GALNT17: variants seen among roughly 807,000 people sequenced by gnomAD.
GALNT17 encodes the protein UDP-GalNAc:polypeptide N-acetylgalactosaminyltransferase-like 3.
Under a neutral mutation model 63.7 loss-of-function variants are expected in GALNT17, and 29 were observed. The ratio of observed to expected loss-of-function variants is 0.46; its 90% confidence interval spans 0.34 to 0.62. GALNT17 has a LOEUF of 0.62. Ranked by LOEUF, GALNT17 falls within the 20% of genes least tolerant of loss-of-function variation. GALNT17 has a pLI of 0.01. For synonymous variants in GALNT17, 305 were observed against 318.3 expected, an observed-to-expected ratio of 0.96 and a Z score of 0.45; for missense variants, 603 against 799.6, an observed-to-expected ratio of 0.75 and a Z score of 2.97.
chr7:71,702,389 C>G (rs1001900159), intron 9 of GALNT17, among the ~76,000 whole-genome samples: 3 of 152,102 alleles, frequency 2.0e-5, no homozygotes, highest in Admixed American at 1.3e-4. Flanking sequence ...GTTCACAGAT[C>G]AGCAGGGAGG....
intron 1 of GALNT17, among the ~76,000 whole-genome samples, chr7:71,245,484 G>A (rs1790077346): frequency 6.6e-6 from 1 of 152,122 alleles, no homozygotes; most frequent in Non-Finnish European, 1.5e-5. Flanking sequence ...AAAAGGGGGA[G>A]GCAGGTGGAA....
intron 5 of GALNT17, among the ~76,000 whole-genome samples, chr7:71,564,301 T>TG (rs1789304703): frequency 9.1e-6 from 1 of 109,422 alleles, no homozygotes; most frequent in Non-Finnish European, 1.9e-5. Flanking sequence ...TTTTTTTTTT[T>TG]TGAGATGGAG....
At chr7:71,386,497 C>T (rs1002115426) in intron 2 of GALNT17, among the ~76,000 whole-genome samples, 5 of 152,008 alleles carry the variant, frequency 3.3e-5, no homozygotes, top group African/African-American at 9.7e-5. Context: ...GTGGCTTAGG[C>T]GTAAGCATGA....
At chr7:71,436,629 G>C (rs973015104) in intron 5 of GALNT17, among the ~76,000 whole-genome samples, 3 of 151,736 alleles carry the variant, frequency 2.0e-5, no homozygotes, top group Admixed American at 6.6e-5. Context: ...TAAGGCAGGA[G>C]AATGGTGTGA....
At chr7:71,168,521 G>A (rs867780098) in intron 1 of GALNT17, among the ~76,000 whole-genome samples, 1 of 152,108 alleles carries the variant, frequency 6.6e-6, no homozygotes, top group African/African-American at 2.4e-5. Context: ...GCAGTGAACC[G>A]AGATCGCACC....
At chr7:71,678,936 G>A (rs1170261713) in intron 9 of GALNT17, among the ~76,000 whole-genome samples, 5 of 134,914 alleles carry the variant, frequency 3.7e-5, no homozygotes, top group Non-Finnish European at 6.1e-5. Context: ...GAGCCTGGGC[G>A]ACAGAGCGAG....
chr7:71,207,544 GGAT>G, intron 1 of GALNT17, among the ~76,000 whole-genome samples: 1 of 152,186 alleles, frequency 6.6e-6, no homozygotes, highest in East Asian at 1.9e-4. Context: ...TGGAGGGTAA[GGAT>G]GATAGATGCT....
chr7:71,165,759 T>C (rs1428068450), intron 1 of GALNT17, among the ~76,000 whole-genome samples: 1 of 152,252 alleles, frequency 6.6e-6, no homozygotes, highest in African/African-American at 2.4e-5. Context: ...GACGTTAATG[T>C]TGAAATTAAA....
chr7:71,521,398 C>T (rs1788527741), intron 5 of GALNT17, among the ~76,000 whole-genome samples: 2 of 152,174 alleles, frequency 1.3e-5, no homozygotes, highest in African/African-American at 4.8e-5. Flanking sequence ...ACGCCCTTTC[C>T]TTCATCTACC....
chr7:71,557,288 A>G lies in GALNT17; in HGVS notation c.963-13997A>G, dbSNP rs562001364. 4.0e-4 allele frequency among the ~76,000 whole-genome samples: 61 copies of G among 152,218 alleles called. 2 individuals are homozygous for G. In the South Asian group the frequency reaches 0.012, roughly 31 times the overall value. On this transcript the variant is annotated intron_variant, in intron 5 of 10. Transcript: ENST00000333538. ...CAGAAAACTTCTCCACCATGCAAAA[A>G]TCTCAATACTCTTTCTTTCTTTTTG...
At chr7:71,253,793 A>G (rs974192821) in intron 1 of GALNT17, among the ~76,000 whole-genome samples, 12 of 152,162 alleles carry the variant, frequency 7.9e-5, no homozygotes, top group Non-Finnish European at 1.3e-4. Flanking sequence ...AGCTCCCCAA[A>G]TTCTGATTCT....
At chr7:71,496,245 G>A (rs1171576422) in intron 5 of GALNT17, among the ~76,000 whole-genome samples, 1 of 152,156 alleles carries the variant, frequency 6.6e-6, no homozygotes, top group Non-Finnish European at 1.5e-5. Context: ...GGGGGATCAA[G>A]GGAATCCCCA....
intron 2 of GALNT17, among the ~76,000 whole-genome samples, chr7:71,369,435 A>T (rs1008660422): frequency 3.9e-5 from 6 of 152,176 alleles, no homozygotes; most frequent in Admixed American, 1.3e-4. Context: ...TAAAGTTAAT[A>T]TGGCAGTCTC....
intron 1 of GALNT17, among the ~76,000 whole-genome samples, chr7:71,139,286 C>G (rs1279313454): frequency 6.6e-6 from 1 of 152,118 alleles, no homozygotes; most frequent in African/African-American, 2.4e-5. Flanking sequence ...TTGCCCCTCG[C>G]AGGCTCAAAG....
intron 6 of GALNT17, among the ~76,000 whole-genome samples, chr7:71,602,316 C>A (rs756671391): frequency 2.0e-5 from 3 of 152,140 alleles, no homozygotes; most frequent in Non-Finnish European, 4.4e-5. Flanking sequence ...TTAGTCTGTG[C>A]TGAGGAAGGG....
At chr7:71,616,381 C>T (rs762962025) in intron 6 of GALNT17, among the ~76,000 whole-genome samples, 153 of 151,684 alleles carry the variant, frequency 1.0e-3, no homozygotes, top group Middle Eastern at 3.4e-3. Context: ...TATGAACTGG[C>T]CAGTCTTCTT....
At chr7:71,432,107 G>A (rs1468996113) in intron 5 of GALNT17, among the ~76,000 whole-genome samples, 2 of 151,950 alleles carry the variant, frequency 1.3e-5, no homozygotes, top group African/African-American at 2.4e-5. Context: ...CATGGGACGC[G>A]GAGGTTGCAG....
rs558603585 is a variant in GALNT17 at position 71,157,628 on chromosome 7, G to A, written c.238+24588G>A. Among the ~76,000 whole-genome samples the A allele has an allele frequency of 2.2e-4, 34 of 151,440 alleles. 1 individual carries two copies. In the South Asian group the frequency reaches 5.6e-3, roughly 25 times the overall value. Reference sequence around the variant, plus strand: ...AGCCGAGATTGCGCCACTGCTTTCCGGCCTGGGTGACGGAGTGAGACTCCA... The same window carrying A: ...AGCCGAGATTGCGCCACTGCTTTCCAGCCTGGGTGACGGAGTGAGACTCCA... On this transcript the variant is annotated intron_variant, in intron 1 of 10. Coordinates refer to ENST00000333538, the MANE Select transcript of GALNT17 (RefSeq NM_022479.3).
chr7:71,318,401 C>T (rs925390034), intron 1 of GALNT17, among the ~76,000 whole-genome samples: 2 of 148,682 alleles, frequency 1.3e-5, no homozygotes, highest in African/African-American at 5.0e-5. Flanking sequence ...TACGACCATT[C>T]CCTGAAGCTC....
Sources: allele counts gnomAD v4.1 joint callset (sites outside exome capture counted in the v4.1 genomes callset), GRCh38; gene constraint gnomAD v4.1.1; transcripts MANE v1.5; gene names NCBI Gene and HGNC (gene_info 2026-07-23, HGNC 2026-07-21).